Variants in SBF2 observed in about 807,000 individuals in gnomAD.
The protein encoded by SBF2 is SET binding factor 2.
In SBF2, 112 loss-of-function variants were observed where a neutral mutation model predicts 225.2. That is an observed-to-expected ratio of 0.50 (90% CI 0.43 to 0.58). SBF2 has a LOEUF of 0.58. Ranked by LOEUF, SBF2 falls within the 20% of genes least tolerant of loss-of-function variation. SBF2 has a pLI of 0.00. For synonymous variants in SBF2, 763 were observed against 773.3 expected, an observed-to-expected ratio of 0.99 and a Z score of 0.22; for missense variants, 1,996 against 2,206.2, an observed-to-expected ratio of 0.90 and a Z score of 1.91.
chr11:10,055,247 T>C (rs575295424), intron 2 of SBF2, among the ~76,000 whole-genome samples: 1 of 152,188 alleles, frequency 6.6e-6, no homozygotes, highest in East Asian at 1.9e-4. Flanking sequence ...GATGTTGGCA[T>C]GGATGTGGTA....
chr11:9,959,765 G>A (rs143699821), intron 16 of SBF2: 9 of 647,552 alleles, frequency 1.4e-5, no homozygotes, highest in African/African-American at 5.4e-5. Flanking sequence ...CTGTTTAAGT[G>A]GGAGCTTGCT....
chr11:9,845,478 G>T, intron 24 of SBF2, 87 bp downstream of exon 24: 2 of 1,221,878 alleles, frequency 1.6e-6, no homozygotes, highest in Non-Finnish European at 2.4e-6. Flanking sequence ...AACAGCAATC[G>T]CTTACACCTG....
chr11:10,256,287 A>G (rs949015059), intron 1 of SBF2, among the ~76,000 whole-genome samples: 7 of 152,168 alleles, frequency 4.6e-5, no homozygotes, highest in African/African-American at 1.7e-4. Context: ...ACTCTCCACA[A>G]TAACTACTCT....
intron 2 of SBF2, among the ~76,000 whole-genome samples, chr11:10,183,162 T>G (rs1282303162): frequency 6.6e-6 from 1 of 152,154 alleles, no homozygotes; most frequent in Non-Finnish European, 1.5e-5. Context: ...AATTCTGGCT[T>G]GAAGAAGAAA....
chr11:10,187,358 C>T (rs1956969582), intron 2 of SBF2, among the ~76,000 whole-genome samples: 1 of 151,944 alleles, frequency 6.6e-6, no homozygotes, highest in Admixed American at 6.6e-5. Context: ...TCAGAACTTA[C>T]ACCTACTTGG....
chr11:9,991,384 A>C (rs1319193540), intron 12 of SBF2, among the ~76,000 whole-genome samples: 3 of 152,182 alleles, frequency 2.0e-5, no homozygotes, highest in Admixed American at 2.0e-4. Flanking sequence ...CTATCTTTAC[A>C]AAAAATAAAA....
chr11:10,129,393 G>A (rs1283976572), intron 2 of SBF2, among the ~76,000 whole-genome samples: 7 of 152,018 alleles, frequency 4.6e-5, no homozygotes, highest in Non-Finnish European at 7.4e-5. Flanking sequence ...ATGAGCCACC[G>A]CGCCCGGCCA....
intron 39 of SBF2, 59 bp from the exon 40 acceptor site, chr11:9,780,575 G>A (rs1851940297): frequency 1.2e-5 from 17 of 1,397,182 alleles, no homozygotes; most frequent in Non-Finnish European, 1.7e-5. Flanking sequence ...TATGGATTTG[G>A]GTAAGTGGTA....
chr11:10,119,226 T>C (rs964291171), intron 2 of SBF2, among the ~76,000 whole-genome samples: 1 of 152,136 alleles, frequency 6.6e-6, no homozygotes, highest in Non-Finnish European at 1.5e-5. Flanking sequence ...TAAAACTTTA[T>C]ATGACAAAGC....
intron 1 of SBF2, among the ~76,000 whole-genome samples, chr11:10,283,784 AG>A (rs1381393602): frequency 1.3e-5 from 2 of 152,234 alleles, no homozygotes; most frequent in African/African-American, 4.8e-5. Flanking sequence ...ATTCTGCCAT[AG>A]TTCACAGGCA....
At chr11:10,227,096 T>C (rs1274697177) in intron 1 of SBF2, among the ~76,000 whole-genome samples, 1 of 152,202 alleles carries the variant, frequency 6.6e-6, no homozygotes, top group Non-Finnish European at 1.5e-5. Context: ...CATTTTTTCA[T>C]GTGTTTTTTG....
chr11:10,265,964 C>G (rs1462812737), intron 1 of SBF2, among the ~76,000 whole-genome samples: 1 of 152,194 alleles, frequency 6.6e-6, no homozygotes, highest in Non-Finnish European at 1.5e-5. Context: ...AAGTGATCCT[C>G]TCACCTTGGT....
chr11:10,129,732 C>T (rs1953940101), intron 2 of SBF2, among the ~76,000 whole-genome samples: 1 of 152,014 alleles, frequency 6.6e-6, no homozygotes, highest in African/African-American at 2.4e-5. Context: ...CGTCTTTAAT[C>T]AAATAAAAAG....
intron 2 of SBF2, among the ~76,000 whole-genome samples, chr11:10,186,709 A>T (rs1344695106): frequency 6.6e-6 from 1 of 152,118 alleles, no homozygotes; most frequent in Non-Finnish European, 1.5e-5. Context: ...TGAAAGTTCC[A>T]ACCCACTAAA....
chr11:10,135,987 T>G (rs748529302), intron 2 of SBF2, among the ~76,000 whole-genome samples: 1 of 152,154 alleles, frequency 6.6e-6, no homozygotes, highest in Non-Finnish European at 1.5e-5. Flanking sequence ...TACCTGATAC[T>G]GGGCGATTTA....
intron 1 of SBF2, among the ~76,000 whole-genome samples, chr11:10,230,582 C>A (rs1479019150): frequency 2.0e-5 from 3 of 152,120 alleles, no homozygotes; most frequent in African/African-American, 7.2e-5. Flanking sequence ...CTTAGTTTGG[C>A]TGGATATGAA....
intron 2 of SBF2, among the ~76,000 whole-genome samples, chr11:10,137,750 T>C (rs570752035): frequency 6.6e-6 from 1 of 152,288 alleles, no homozygotes; most frequent in South Asian, 2.1e-4. Context: ...TTCACGTCTG[T>C]AATCCCAGCA....
intron 1 of SBF2, among the ~76,000 whole-genome samples, chr11:10,267,530 C>T (rs1406060139): frequency 6.6e-6 from 1 of 151,924 alleles, no homozygotes; most frequent in Non-Finnish European, 1.5e-5. Flanking sequence ...CTGACTTGAG[C>T]GAATGGCCAA....
intron 2 of SBF2, among the ~76,000 whole-genome samples, chr11:10,117,988 G>A (rs917058886): frequency 6.6e-5 from 10 of 152,094 alleles, no homozygotes; most frequent in Admixed American, 3.3e-4. Flanking sequence ...CACAAGCAAC[G>A]TGCAATTCTT....
Sources: allele counts gnomAD v4.1 joint callset (sites outside exome capture counted in the v4.1 genomes callset), GRCh38; gene constraint gnomAD v4.1.1; transcripts MANE v1.5; gene names NCBI Gene and HGNC (gene_info 2026-07-23, HGNC 2026-07-21).